The following BCL7B variants were observed in gnomAD, a reference collection of about 807,000 sequenced individuals.
BCL7B encodes the protein B-cell CLL/lymphoma 7 protein family member B.
BCL7B carries 11 observed loss-of-function variants against 26.5 expected under a neutral mutation model. That is an observed-to-expected ratio of 0.42 (90% CI 0.26 to 0.69). The LOEUF (loss-of-function observed/expected upper bound fraction) is 0.69, where lower values mean the gene tolerates loss of function less well. Ranked by LOEUF, BCL7B falls within the 30% of genes least tolerant of loss-of-function variation. The probability of loss-of-function intolerance (pLI) is 0.28; values close to 1 mark genes in which losing one functional copy is unlikely to be tolerated. For synonymous variants in BCL7B, 111 were observed against 107.9 expected, an observed-to-expected ratio of 1.03 and a Z score of -0.18; for missense variants, 215 against 264.4, an observed-to-expected ratio of 0.81 and a Z score of 1.30.
In BCL7B at chr7:73,537,951, C is replaced by A; in HGVS notation, c.499G>T (p.Val167Phe). 6.3e-7 allele frequency: 1 copy of A among 1,597,590 alleles called. No individual in the cohort carries two copies. The highest frequency in any genetic ancestry group is 1.1e-5 in the South Asian group (1 of 88,922). The change falls in exon 5 of 6, where the codon GTT becomes TTT. Residue 167 changes from valine (V) to phenylalanine (F), a missense_variant. Val to Phe is a conservative substitution (Grantham distance 50). Coordinates refer to ENST00000223368, the MANE Select transcript of BCL7B (RefSeq NM_001707.4). Reference sequence around the variant, plus strand: ...TTGCTTACCTGTGTCTCTAGTGGAACTGGTTCTTCCTTGGTGAGGGTAGGA... The same window carrying A: ...TTGCTTACCTGTGTCTCTAGTGGAAATGGTTCTTCCTTGGTGAGGGTAGGA... ...EPPTLTKEEP[V>F]PLETQVVEEE...
chr7:73,537,333 G>A lies in BCL7B; in HGVS notation c.574C>T (p.Gln192Ter). 6.2e-7 allele frequency: 1 copy of A among 1,614,128 alleles called. No individual in the cohort carries two copies. The highest frequency in any genetic ancestry group is 8.5e-7 in the Non-Finnish European group (1 of 1,180,012). The change falls in exon 6 of 6, where the codon CAA becomes TAA. Residue 192 changes from glutamine to a stop codon, truncating the protein, a stop_gained. Coordinates refer to ENST00000223368, the MANE Select transcript of BCL7B (RefSeq NM_001707.4). LOFTEE classifies it high-confidence loss of function. Reference sequence around the variant, plus strand: ...GACGCCGTCTGCGGCACTGTGGGTTGGTCCACACAGAAGCGCTTCAGGGGC... The same window carrying A: ...GACGCCGTCTGCGGCACTGTGGGTTAGTCCACACAGAAGCGCTTCAGGGGC... ...APPLKRFCVDQPTVPQTASES is the reference protein window; with the variant it reads ...APPLKRFCVD
intron 2 of BCL7B, among the ~76,000 whole-genome samples, chr7:73,546,119 G>T (rs1170369957): frequency 7.0e-6 from 1 of 141,898 alleles, no homozygotes; most frequent in African/African-American, 2.6e-5. Flanking sequence ...GTGACAGAGC[G>T]AGACTCCATC....
rs571330776 is a variant in BCL7B at position 73,549,419 on chromosome 7, C to G, written c.168+2748G>C. On this transcript the variant is annotated intron_variant, in intron 2 of 5. Transcript: ENST00000223368. Reference sequence around the variant, plus strand: ...TAGAGGCTGGTGCAGTGGCACATGCCTGTAATCCCAGCTATTTGGGAGGCT... The same window carrying G: ...TAGAGGCTGGTGCAGTGGCACATGCGTGTAATCCCAGCTATTTGGGAGGCT... Among the ~76,000 whole-genome samples the G allele has an allele frequency of 6.6e-5, 10 of 152,280 alleles. No homozygotes were observed. In the South Asian group the frequency reaches 1.9e-3, roughly 28 times the overall value.
intron 1 of BCL7B, among the ~76,000 whole-genome samples, chr7:73,554,218 C>G: frequency 6.6e-6 from 1 of 151,866 alleles, no homozygotes; most frequent in Non-Finnish European, 1.5e-5. Flanking sequence ...TTGCCTCAGC[C>G]TCTCGAAGTG....
chr7:73,538,464 C>T (rs1791624547), intron 4 of BCL7B, among the ~76,000 whole-genome samples: 1 of 152,080 alleles, frequency 6.6e-6, no homozygotes, highest in South Asian at 2.1e-4. Context: ...GTTAACAGGT[C>T]ACAGCACAGG....
chr7:73,557,341 G>C, intron 1 of BCL7B, 146 bp downstream of exon 1: 1 of 1,177,632 alleles, frequency 8.5e-7, no homozygotes, highest in Non-Finnish European at 1.1e-6. Flanking sequence ...ACCTCACGCC[G>C]ACGCCAGCGG....
At chr7:73,542,889 A>G (rs1791821041) in intron 3 of BCL7B, 1 of 447,948 alleles carries the variant, frequency 2.2e-6, no homozygotes, top group Non-Finnish European at 4.5e-6. Flanking sequence ...AGCCTGGACA[A>G]CATAGCCAGA....
intron 1 of BCL7B, among the ~76,000 whole-genome samples, chr7:73,555,999 T>C (rs994378634): frequency 1.3e-5 from 2 of 151,890 alleles, no homozygotes; most frequent in African/African-American, 2.4e-5. Context: ...GGGAGGCTGG[T>C]ACAGAGTTCC....
intron 2 of BCL7B, among the ~76,000 whole-genome samples, chr7:73,549,410 G>T (rs1792073532): frequency 6.6e-6 from 1 of 152,154 alleles, no homozygotes; most frequent in South Asian, 2.1e-4. Flanking sequence ...CTGGTGCAGT[G>T]GCACATGCCT....
Position 73,557,478 on chromosome 7 carries a change from GC to G in BCL7B, c.92+8del. On this transcript the variant is annotated splice_region_variant and intron_variant, in intron 1 of 5. Transcript: ENST00000223368. ...ACCCCCGCCAGCCCCCTAAGCTCCG[GC>G]CCCTCACCATTTCCGCACTTTCTCG... 2 of 1,407,688 alleles carry G rather than the reference GC, an allele frequency of 1.4e-6. No homozygotes were observed. The highest frequency in any genetic ancestry group is 1.5e-5 in the African/African-American group (1 of 66,750). The allele number at this position is 1,407,688 out of a possible 1,614,324, so 87.2% of individuals were successfully genotyped here. A position where few individuals can be genotyped will look rare whatever the true frequency, so the allele number is the denominator to read the frequency against.
At chr7:73,539,593 C>A in intron 4 of BCL7B, 1 of 353,394 alleles carries the variant, frequency 2.8e-6, no homozygotes, top group Non-Finnish European at 5.3e-6. Context: ...TTTTCCTCAT[C>A]TGTAAAAGAA....
intron 1 of BCL7B, among the ~76,000 whole-genome samples, chr7:73,554,808 A>C (rs1274678868): frequency 2.6e-5 from 4 of 152,054 alleles, no homozygotes; most frequent in African/African-American, 7.2e-5. Context: ...AAAAAAAAAA[A>C]AAAAAACAGA....
At chr7:73,556,207 G>C (rs897605357) in intron 1 of BCL7B, among the ~76,000 whole-genome samples, 8 of 152,186 alleles carry the variant, frequency 5.3e-5, no homozygotes, top group African/African-American at 1.9e-4. Context: ...ACATAAAAAA[G>C]AGAAGGAACT....
chr7:73,543,462 G>A, intron 3 of BCL7B, 86 bp downstream of exon 3: 1 of 1,273,230 alleles, frequency 7.9e-7, no homozygotes, highest in Admixed American at 1.7e-5. Context: ...ACAGGTGTGA[G>A]TCACTGCACC....
At position 73,539,929 on chromosome 7, in the gene BCL7B, C is replaced by T; in HGVS notation, c.389G>A (p.Arg130His). The change falls in exon 4 of 6, where the codon CGC (arginine) becomes CAC (histidine). Residue 130 changes from arginine (R) to histidine (H), a missense_variant. By Grantham distance (29) the Arg-to-His change is conservative. Coordinates refer to ENST00000223368, the MANE Select transcript of BCL7B (RefSeq NM_001707.4). ...CGTTGGGGGCTGGGAGTCATCCGTG[C>T]GGAAGTCGGAGGTGTGTGCTGGGCT... ...SLSPAHTSDF[R>H]TDDSQPPTLG... is the part of the protein sequence containing the mutation. 3 of 1,613,932 alleles carry T rather than the reference C, an allele frequency of 1.9e-6. No individual in the cohort carries two copies. The highest frequency in any genetic ancestry group is 2.5e-6 in the Non-Finnish European group (3 of 1,180,006).
intron 2 of BCL7B, among the ~76,000 whole-genome samples, chr7:73,548,950 C>CA (rs781289667): frequency 1.3e-5 from 2 of 151,740 alleles, no homozygotes; most frequent in Non-Finnish European, 2.9e-5. Flanking sequence ...AACAAACAAA[C>CA]AAAAAAAACT....
At chr7:73,542,706 T>C (rs1342710943) in intron 3 of BCL7B, 1 of 197,438 alleles carries the variant, frequency 5.1e-6, no homozygotes, top group Non-Finnish European at 1.1e-5. Context: ...CCGGCGGGAT[T>C]GGTTTAGGAG....
At position 73,536,367 on chromosome 7, in the gene BCL7B, T is replaced by A. The variant is rs62466282; in HGVS notation, c.*931A>T. On this transcript the variant is annotated 3_prime_UTR_variant, in exon 6 of 6. Coordinates refer to ENST00000223368, the MANE Select transcript of BCL7B (RefSeq NM_001707.4). ...AGATACCAACAGGACATATTTCAAA[T>A]AGTTTAATTTTAAAAATATTCTATT... 1 of 149,260 alleles carries A rather than the reference T, an allele frequency of 6.7e-6. No homozygotes were observed. The highest frequency in any genetic ancestry group is 1.5e-5 in the Non-Finnish European group (1 of 67,512). The allele number at this position is 149,260 out of a possible 1,614,324, so 9.2% of individuals were successfully genotyped here.
intron 2 of BCL7B, among the ~76,000 whole-genome samples, chr7:73,544,687 A>AT (rs1305465083): frequency 1.2e-4 from 19 of 152,144 alleles, no homozygotes; most frequent in South Asian, 2.1e-4. Flanking sequence ...ATTTTTACCT[A>AT]TAACATTTGT....
Sources: gnomAD v4.1 joint callset for allele counts (sites outside exome capture counted in the v4.1 genomes callset) on GRCh38, gnomAD v4.1.1 for gene constraint, MANE v1.5 for transcripts, NCBI Gene and HGNC (gene_info 2026-07-23, HGNC 2026-07-21) for gene names.